CTNNA2: variants seen among roughly 807,000 people sequenced by gnomAD.
The protein encoded by CTNNA2 is catenin alpha-2.
Under a neutral mutation model 101.0 loss-of-function variants are expected in CTNNA2, and 42 were observed. That is an observed-to-expected ratio of 0.42 (90% CI 0.32 to 0.54). CTNNA2 has a LOEUF of 0.54. Among genes scored for constraint, CTNNA2 ranks in the 20% least tolerant of loss-of-function variants. CTNNA2 has a pLI of 0.14. For synonymous variants in CTNNA2, 450 were observed against 456.4 expected (o/e 0.99, Z 0.18); for missense variants, 871 against 1,223.1 (o/e 0.71, Z 4.29).
chr2:79,280,104 A>ATTC (rs1404468106), intron 2 of CTNNA2, among the ~76,000 whole-genome samples: 2 of 152,126 alleles, frequency 1.3e-5, no homozygotes, highest in Non-Finnish European at 2.9e-5. Flanking sequence ...CCCTTCCAAA[A>ATTC]TTCTTCTTCC....
At chr2:80,470,696 C>T (rs193236932) in intron 9 of CTNNA2, among the ~76,000 whole-genome samples, 4 of 152,232 alleles carry the variant, frequency 2.6e-5, no homozygotes, top group Admixed American at 6.5e-5. Flanking sequence ...CTGTCCAAGA[C>T]GGATGTGCTT....
At chr2:79,644,852 A>G (rs772952151) in intron 1 of CTNNA2, among the ~76,000 whole-genome samples, 4 of 151,768 alleles carry the variant, frequency 2.6e-5, no homozygotes, top group Non-Finnish European at 5.9e-5. Context: ...CCTTACCTCT[A>G]TTGCCTCCCA....
intron 7 of CTNNA2, among the ~76,000 whole-genome samples, chr2:80,149,762 G>A (rs1210937360): frequency 7.3e-6 from 1 of 137,378 alleles, no homozygotes; most frequent in African/African-American, 2.8e-5. Context: ...GGGAATACTC[G>A]ATTAGAATGG....
intron 3 of CTNNA2, among the ~76,000 whole-genome samples, chr2:79,794,526 T>C (rs114673494): frequency 0.032 from 4,827 of 152,284 alleles, 97 homozygotes; most frequent in Middle Eastern, 0.11. Flanking sequence ...CCCATCACCT[T>C]CCAAAGTTTC....
In CTNNA2 at chr2:79,858,186, A is replaced by G. The variant is rs1681291336; in HGVS notation, c.465+7A>G. ...TTTATCCCATCTGAAAATTGTACGT[A>G]TGTAGAACTTATCAAAACTTTCTTT... On this transcript the variant is annotated splice_region_variant and intron_variant, in intron 4 of 18. Transcript: ENST00000402739. The G allele has an allele frequency of 6.2e-7, 1 of 1,601,642 alleles. No homozygotes were observed. Among genetic ancestry groups the G allele is most frequent in the Non-Finnish European group, 8.6e-7 (1 of 1,169,418 alleles).
intron 3 of CTNNA2, among the ~76,000 whole-genome samples, chr2:79,827,223 G>A (rs1678517757): frequency 6.6e-6 from 1 of 151,992 alleles, no homozygotes; most frequent in Non-Finnish European, 1.5e-5. Context: ...ATTTTTAGTA[G>A]AAACAGAGTT....
intron 17 of CTNNA2, among the ~76,000 whole-genome samples, chr2:80,615,356 A>C (rs1051949444): frequency 1.3e-5 from 2 of 151,586 alleles, no homozygotes; most frequent in African/African-American, 4.8e-5. Context: ...TTCACATAAG[A>C]ATATTTTCTG....
chr2:80,441,536 T>C (rs1264156009), intron 9 of CTNNA2, among the ~76,000 whole-genome samples: 3 of 152,222 alleles, frequency 2.0e-5, no homozygotes, highest in Admixed American at 6.5e-5. Context: ...AAAGCAGCCT[T>C]ATCTTCCACA....
At chr2:79,713,452 T>A (rs1467893035) in intron 2 of CTNNA2, among the ~76,000 whole-genome samples, 2 of 152,034 alleles carry the variant, frequency 1.3e-5, no homozygotes, top group African/African-American at 2.4e-5. Context: ...ATAAATAAAA[T>A]TTTAAAAGAG....
At chr2:79,577,196 G>A (rs1413294262) in intron 1 of CTNNA2, among the ~76,000 whole-genome samples, 1 of 152,034 alleles carries the variant, frequency 6.6e-6, no homozygotes, top group Non-Finnish European at 1.5e-5. Context: ...TTCCTGGTAT[G>A]ATTGTTGTTT....
intron 3 of CTNNA2, among the ~76,000 whole-genome samples, chr2:79,795,755 T>G (rs1213388779): frequency 6.6e-6 from 1 of 152,198 alleles, no homozygotes; most frequent in Non-Finnish European, 1.5e-5. Context: ...AACCACAGTT[T>G]GAAAGAAGAG....
chr2:80,382,013 T>G (rs1156856799), intron 7 of CTNNA2, among the ~76,000 whole-genome samples: 1 of 152,074 alleles, frequency 6.6e-6, no homozygotes, highest in Non-Finnish European at 1.5e-5. Context: ...TTTTCCCGCA[T>G]AGGGGAGGTA....
At chr2:79,526,795 G>A (rs1265990418) in intron 1 of CTNNA2, among the ~76,000 whole-genome samples, 1 of 151,978 alleles carries the variant, frequency 6.6e-6, no homozygotes, top group Non-Finnish European at 1.5e-5. Context: ...AGATGAATTT[G>A]GACCGCTTTC....
intron 7 of CTNNA2, among the ~76,000 whole-genome samples, chr2:80,150,100 C>T (rs1703600442): frequency 6.6e-6 from 1 of 152,146 alleles, no homozygotes; most frequent in Non-Finnish European, 1.5e-5. Flanking sequence ...TGTTGCCACA[C>T]TGTGGAAAAT....
chr2:79,637,087 T>C (rs1434586319), intron 1 of CTNNA2: 1 of 152,160 alleles, frequency 6.6e-6, no homozygotes, highest in Non-Finnish European at 1.5e-5. Context: ...AGTGAGGAAG[T>C]GGAACAGGCA....
At chr2:79,782,644 C>T (rs966821689) in intron 3 of CTNNA2, among the ~76,000 whole-genome samples, 1 of 152,176 alleles carries the variant, frequency 6.6e-6, no homozygotes, top group African/African-American at 2.4e-5. Context: ...TGTAGTGATA[C>T]TGGTTGTCTT....
intron 7 of CTNNA2, among the ~76,000 whole-genome samples, chr2:80,219,348 G>A (rs1708443885): frequency 6.6e-6 from 1 of 151,930 alleles, no homozygotes; most frequent in Non-Finnish European, 1.5e-5. Context: ...GAAACTATTG[G>A]GTTTGAAGCA....
chr2:80,182,413 T>C (rs1262122001), intron 7 of CTNNA2, among the ~76,000 whole-genome samples: 1 of 152,144 alleles, frequency 6.6e-6, no homozygotes, highest in African/African-American at 2.4e-5. Context: ...CCTCTCCCAG[T>C]CCACTGACTC....
chr2:79,621,165 G>T (rs571220665), intron 1 of CTNNA2, among the ~76,000 whole-genome samples: 2 of 152,156 alleles, frequency 1.3e-5, no homozygotes, highest in Middle Eastern at 6.8e-3. Flanking sequence ...CCCCATTTTC[G>T]TAAAACTGTT....
Sources: allele counts gnomAD v4.1 joint callset (sites outside exome capture counted in the v4.1 genomes callset), GRCh38; gene constraint gnomAD v4.1.1; transcripts MANE v1.5; gene names NCBI Gene and HGNC (gene_info 2026-07-23, HGNC 2026-07-21).